Variants in VSTM4 observed in about 807,000 individuals in gnomAD.
VSTM4 encodes V-set and transmembrane domain containing 4, also known as V-set and transmembrane domain-containing protein 4.
A neutral mutation model predicts 36.4 loss-of-function variants in VSTM4; 20 were observed. The observed-to-expected ratio is 0.55, with a 90% CI of 0.39 to 0.80. The LOEUF is 0.80. Among genes scored for constraint, VSTM4 ranks in the 30% least tolerant of loss-of-function variants. The probability of loss-of-function intolerance (pLI) is 0.00; values close to 1 mark genes in which losing one functional copy is unlikely to be tolerated. For missense variants in VSTM4, 392 were observed against 404.5 expected (o/e 0.97, Z 0.26); for synonymous variants, 182 against 173.9 (o/e 1.05, Z -0.37).
At position 49,017,790 on chromosome 10, in the gene VSTM4, C is replaced by G. The variant is rs531608892; in HGVS notation, c.*1860G>C. 6.6e-6 allele frequency: 1 copy of G among 152,254 alleles called. No individual in the cohort carries two copies. The highest frequency in any genetic ancestry group is 1.5e-5 in the Non-Finnish European group (1 of 68,014). The allele number at this position is 152,254 out of a possible 1,614,324, so 9.4% of individuals were successfully genotyped here. The stretch of plus-strand genomic sequence containing the variant: ...GGGCAAATTAGGAGATCATCCTCTG[C>G]CCTCAAAACACTATACATCTGTCAG... On this transcript the variant is annotated 3_prime_UTR_variant, in exon 8 of 8. Transcript: ENST00000332853.
In VSTM4 at chr10:49,015,118, C is replaced by CGTT. The variant is rs1564559660; in HGVS notation, c.*4531_*4532insAAC. ...CCCAGACCTCCTGAGCCAGGATCTA[C>CGTT]ATTTTTTTTTTTTTTTTTTTTGAGA... On this transcript the variant is annotated 3_prime_UTR_variant, in exon 8 of 8. Coordinates refer to ENST00000332853, the MANE Select transcript of VSTM4 (RefSeq NM_001031746.5). The CGTT allele has an allele frequency of 1.1e-5, 1 of 94,584 alleles. No individual in the cohort carries two copies. Among genetic ancestry groups the CGTT allele is most frequent in the African/African-American group, 3.6e-5 (1 of 27,710 alleles). The allele number at this position is 94,584 out of a possible 1,614,324, so 5.9% of individuals were successfully genotyped here. A position where few individuals can be genotyped will look rare whatever the true frequency, so the allele number is the denominator to read the frequency against.
intron 2 of VSTM4, among the ~76,000 whole-genome samples, chr10:49,087,967 A>G (rs1215380126): frequency 1.4e-5 from 2 of 147,984 alleles, no homozygotes; most frequent in African/African-American, 4.9e-5. Context: ...ATATATGTGT[A>G]TATATACATA....
rs1376350725 is a variant in VSTM4, at chr10:49,064,548, G to T, written c.668+155C>A. ...ACCAGACTGTAGACCTTGGAAACATGCAAATGCATGCAGGATACACATTTG... is the reference window on the plus strand; with the variant it reads ...ACCAGACTGTAGACCTTGGAAACATTCAAATGCATGCAGGATACACATTTG... On this transcript the variant is annotated intron_variant, in intron 5 of 7. Coordinates refer to ENST00000332853, the MANE Select transcript of VSTM4 (RefSeq NM_001031746.5). The T allele has an allele frequency of 7.2e-6, 6 of 835,694 alleles. No homozygotes were observed. The East Asian group carries it at 1.4e-4, about 19-fold the overall frequency. The allele number at this position is 835,694 out of a possible 1,614,324, so 51.8% of individuals were successfully genotyped here.
chr10:49,028,688 AAAC>A (rs1416664196), intron 7 of VSTM4, among the ~76,000 whole-genome samples: 4 of 152,374 alleles, frequency 2.6e-5, no homozygotes, highest in Non-Finnish European at 5.9e-5. Context: ...GACTCCTGCA[AAAC>A]AACACTTTTT....
chr10:49,042,721 G>T (rs79074699), intron 7 of VSTM4, among the ~76,000 whole-genome samples: 1 of 152,156 alleles, frequency 6.6e-6, no homozygotes, highest in Non-Finnish European at 1.5e-5. Context: ...TATCCATTGC[G>T]CTAAACACAT....
intron 5 of VSTM4, among the ~76,000 whole-genome samples, chr10:49,056,996 C>G (rs982108891): frequency 6.6e-6 from 1 of 151,832 alleles, no homozygotes; most frequent in South Asian, 2.1e-4. Flanking sequence ...GCATATCATC[C>G]GGCGAGAGGG....
chr10:49,039,530 G>A (rs765679440), intron 7 of VSTM4, among the ~76,000 whole-genome samples: 3 of 152,092 alleles, frequency 2.0e-5, no homozygotes, highest in Admixed American at 1.3e-4. Flanking sequence ...TATGTCTTTC[G>A]TCTGGGGCTG....
intron 7 of VSTM4, among the ~76,000 whole-genome samples, chr10:49,029,329 A>G (rs931271879): frequency 6.6e-6 from 1 of 152,224 alleles, no homozygotes; most frequent in Non-Finnish European, 1.5e-5. Flanking sequence ...AACAAAAGAA[A>G]TGTCTTTCCA....
chr10:49,030,612 G>A (rs968953729), intron 7 of VSTM4, among the ~76,000 whole-genome samples: 1 of 152,198 alleles, frequency 6.6e-6, no homozygotes, highest in Non-Finnish European at 1.5e-5. Flanking sequence ...CTTTGGGTTG[G>A]ACGAACTCAC....
intron 6 of VSTM4, among the ~76,000 whole-genome samples, chr10:49,047,803 C>T (rs532845886): frequency 7.2e-5 from 11 of 152,330 alleles, no homozygotes; most frequent in South Asian, 4.1e-4. Context: ...ATGCAAAGCC[C>T]GCAGTTGAGG....
At chr10:49,049,831 C>G (rs1843670583) in intron 5 of VSTM4, among the ~76,000 whole-genome samples, 1 of 151,902 alleles carries the variant, frequency 6.6e-6, no homozygotes, top group Non-Finnish European at 1.5e-5. Context: ...TGCAGGGAAT[C>G]TGGCACTCAA....
intron 7 of VSTM4, among the ~76,000 whole-genome samples, chr10:49,034,606 A>G (rs1843399959): frequency 6.6e-6 from 1 of 152,216 alleles, no homozygotes; most frequent in Non-Finnish European, 1.5e-5. Context: ...CCTTAAATGC[A>G]CCATAAGTTT....
chr10:49,092,408 C>T (rs538092209), intron 2 of VSTM4, among the ~76,000 whole-genome samples: 1 of 152,298 alleles, frequency 6.6e-6, no homozygotes, highest in African/African-American at 2.4e-5. Flanking sequence ...CCCTGGGCCT[C>T]AGTGTCCTGT....
intron 5 of VSTM4, among the ~76,000 whole-genome samples, chr10:49,049,918 G>C (rs1843671787): frequency 6.6e-6 from 1 of 152,192 alleles, no homozygotes; most frequent in African/African-American, 2.4e-5. Flanking sequence ...CAGGCGCTTA[G>C]ACTCTTTGAC....
At position 49,046,973 on chromosome 10, in the gene VSTM4, G is replaced by T. The variant is rs201302818; in HGVS notation, c.837+10C>A. On this transcript the variant is annotated intron_variant, in intron 7 of 7. Coordinates refer to ENST00000332853, the MANE Select transcript of VSTM4 (RefSeq NM_001031746.5). Reference sequence around the variant, plus strand: ...AAGGTATGATAGGAATACAGAAGACGGTTACTTACCAGCGTGACTTTTCTC... The same window carrying T: ...AAGGTATGATAGGAATACAGAAGACTGTTACTTACCAGCGTGACTTTTCTC... The T allele has an allele frequency of 1.2e-6, 2 of 1,613,284 alleles. No homozygotes were observed. The highest frequency in any genetic ancestry group is 1.7e-6 in the Non-Finnish European group (2 of 1,179,276).
At chr10:49,065,618 C>T (rs1398464483) in intron 4 of VSTM4, among the ~76,000 whole-genome samples, 5 of 152,174 alleles carry the variant, frequency 3.3e-5, no homozygotes, top group Non-Finnish European at 7.3e-5. Context: ...CTACACGGAG[C>T]AGACACCAGC....
intron 2 of VSTM4, among the ~76,000 whole-genome samples, chr10:49,095,778 A>G (rs1256155171): frequency 6.6e-6 from 1 of 152,026 alleles, no homozygotes; most frequent in East Asian, 1.9e-4. Flanking sequence ...CATAACGTCT[A>G]TTAAATCTAT....
intron 2 of VSTM4, among the ~76,000 whole-genome samples, chr10:49,096,166 G>A (rs556696694): frequency 3.3e-5 from 5 of 152,192 alleles, no homozygotes; most frequent in East Asian, 3.9e-4. Flanking sequence ...CATGTCTCCC[G>A]AGAAAAAGGA....
chr10:49,079,838 C>T (rs1286908177), intron 3 of VSTM4, among the ~76,000 whole-genome samples: 1 of 152,006 alleles, frequency 6.6e-6, no homozygotes, highest in Non-Finnish European at 1.5e-5. Flanking sequence ...TCCTGTCACC[C>T]TGAGATAACT....
Sources: allele counts gnomAD v4.1 joint callset (sites outside exome capture counted in the v4.1 genomes callset), GRCh38; gene constraint gnomAD v4.1.1; transcripts MANE v1.5; gene names NCBI Gene and HGNC (gene_info 2026-07-23, HGNC 2026-07-21).